FOCAD: variants seen among roughly 807,000 people sequenced by gnomAD.
FOCAD encodes the protein focadhesin, also known as KIAA1797.
Under a neutral mutation model 225.6 loss-of-function variants are expected in FOCAD, and 198 were observed. The ratio of observed to expected loss-of-function variants is 0.88; its 90% CI spans 0.78 to 0.99. The LOEUF is 0.99. Ranked by LOEUF, FOCAD falls within the 50% of genes least tolerant of loss-of-function variation. The pLI is 0.00. For missense variants in FOCAD, 2,713 were observed against 2,123.6 expected (o/e 1.28, Z -5.46); for synonymous variants, 897 against 755.0 (o/e 1.19, Z -3.08).
intron 8 of FOCAD, 68 bp from the exon 9 acceptor site, chr9:20,778,613 T>C: frequency 1.3e-6 from 1 of 784,144 alleles, no homozygotes; most frequent in Non-Finnish European, 2.2e-6. Flanking sequence ...TCTTCCTGGA[T>C]ACATGTTACA....
At chr9:20,723,214 G>A (rs1825920738) in intron 4 of FOCAD, among the ~76,000 whole-genome samples, 1 of 152,162 alleles carries the variant, frequency 6.6e-6, no homozygotes, top group Admixed American at 6.5e-5. Flanking sequence ...TGGGTGAGGT[G>A]CGGTGACTCA....
chr9:20,893,329 A>G (rs1831791682), intron 21 of FOCAD, among the ~76,000 whole-genome samples: 1 of 115,402 alleles, frequency 8.7e-6, no homozygotes, highest in African/African-American at 3.3e-5. Context: ...GACTCTCTTT[A>G]TTGGATTATT....
At chr9:20,699,611 G>A (rs1413161608) in intron 1 of FOCAD, among the ~76,000 whole-genome samples, 5 of 149,866 alleles carry the variant, frequency 3.3e-5, no homozygotes, top group Admixed American at 2.0e-4. Flanking sequence ...GGTGGCGGGC[G>A]CCTGTAGTCC....
chr9:20,857,929 C>T (rs562654096), intron 15 of FOCAD, among the ~76,000 whole-genome samples: 5 of 151,836 alleles, frequency 3.3e-5, no homozygotes, highest in African/African-American at 1.2e-4. Context: ...TCCTTGCATC[C>T]CTGGGATGAA....
chr9:20,981,028 A>C (rs1840648695), intron 37 of FOCAD, among the ~76,000 whole-genome samples: 1 of 152,194 alleles, frequency 6.6e-6, no homozygotes. Flanking sequence ...GTTGATTTTC[A>C]GCAGTTGAGC....
intron 15 of FOCAD, among the ~76,000 whole-genome samples, chr9:20,836,592 C>G (rs1176034950): frequency 6.6e-6 from 1 of 151,944 alleles, no homozygotes; most frequent in African/African-American, 2.4e-5. Context: ...CCATGCTGAG[C>G]TTTTTATATA....
chr9:20,883,124 A>T (rs1014440859), intron 20 of FOCAD, among the ~76,000 whole-genome samples: 1 of 152,232 alleles, frequency 6.6e-6, no homozygotes, highest in Non-Finnish European at 1.5e-5. Context: ...GTTCTTTCAT[A>T]TACTGCACTA....
chr9:20,979,554 G>A (rs541734221), intron 37 of FOCAD, among the ~76,000 whole-genome samples: 1 of 152,130 alleles, frequency 6.6e-6, no homozygotes, highest in South Asian at 2.1e-4. Flanking sequence ...GGCAAGGCTG[G>A]TTTCGAACTC....
chr9:20,754,657 T>G (rs368051780), intron 5 of FOCAD, among the ~76,000 whole-genome samples: 1 of 152,174 alleles, frequency 6.6e-6, no homozygotes, highest in Non-Finnish European at 1.5e-5. Context: ...AGGAGCAATT[T>G]TGTCCTCCAG....
At chr9:20,784,825 G>A (rs1819747440) in intron 10 of FOCAD, among the ~76,000 whole-genome samples, 1 of 152,118 alleles carries the variant, frequency 6.6e-6, no homozygotes, top group South Asian at 2.1e-4. Context: ...CCTACTTATG[G>A]CTAAAGTTAA....
chr9:20,671,041 G>A (rs1315581977), intron 2 of FOCAD, among the ~76,000 whole-genome samples: 1 of 152,088 alleles, frequency 6.6e-6, no homozygotes, highest in Non-Finnish European at 1.5e-5. Flanking sequence ...TCCTTAGAAA[G>A]ACATATTTTT....
At chr9:20,698,319 C>A (rs910596116) in intron 1 of FOCAD, among the ~76,000 whole-genome samples, 1 of 151,768 alleles carries the variant, frequency 6.6e-6, no homozygotes, top group African/African-American at 2.4e-5. Context: ...TTCTATATTT[C>A]TCTCTATATT....
Position 20,740,313 on chromosome 9 carries a change from A to G in FOCAD, c.365A>G (p.Lys122Arg), listed in dbSNP as rs371177017. 1 of 1,609,508 alleles carries G rather than the reference A, an allele frequency of 6.2e-7. No homozygotes were observed. Among genetic ancestry groups the G allele is most frequent in the Non-Finnish European group, 8.5e-7 (1 of 1,176,318 alleles). The change falls in exon 5 of 44, where the codon AAG (lysine) becomes AGG (arginine). Residue 122 changes from lysine (K) to arginine (R), a missense_variant. Lys to Arg is a conservative substitution (Grantham distance 26). Coordinates refer to ENST00000338382, the MANE Select transcript of FOCAD (RefSeq NM_001375567.1). ...CTTAAGGAAGGACAAGGTGGGGAAA[A>G]GAATATTCAGAGTATATATACCATT... ...QALKEGQGGE[K>R]NIQSIYTIRN... is the part of the protein sequence containing the mutation.
chr9:20,909,203 AC>A (rs1385026139), intron 22 of FOCAD, among the ~76,000 whole-genome samples: 6 of 152,094 alleles, frequency 3.9e-5, no homozygotes, highest in African/African-American at 1.4e-4. Context: ...TGTGTCCAGT[AC>A]TTAACATATA....
chr9:20,813,915 G>A (rs1823360878), intron 11 of FOCAD, among the ~76,000 whole-genome samples: 1 of 152,048 alleles, frequency 6.6e-6, no homozygotes, highest in African/African-American at 2.4e-5. Flanking sequence ...CTATGATGTT[G>A]GTTGCATATA....
intron 11 of FOCAD, among the ~76,000 whole-genome samples, chr9:20,816,401 A>C (rs1823731300): frequency 6.8e-6 from 1 of 147,294 alleles, no homozygotes; most frequent in Admixed American, 6.8e-5. Flanking sequence ...AAGTCAGTTC[A>C]AAAATTTGTC....
intron 25 of FOCAD, among the ~76,000 whole-genome samples, chr9:20,924,288 T>G (rs1834738651): frequency 6.6e-6 from 1 of 152,226 alleles, no homozygotes; most frequent in African/African-American, 2.4e-5. Context: ...ATGGATTTAT[T>G]CTTGTTTTAA....
chr9:20,918,965 G>C (rs551248256), intron 24 of FOCAD, among the ~76,000 whole-genome samples: 18 of 152,188 alleles, frequency 1.2e-4, no homozygotes, highest in Admixed American at 7.2e-4. Context: ...CCTTAGCTAC[G>C]GCTGCCACAG....
rs1175653072 is a variant in FOCAD at position 20,978,449 on chromosome 9, C to T, written c.4372C>T (p.Leu1458=). The T allele has an allele frequency of 6.2e-7, 1 of 1,603,210 alleles. No individual in the cohort carries two copies. The highest frequency in any genetic ancestry group is 2.3e-5 in the East Asian group (1 of 44,434). The part of the protein sequence containing the change: ...LWVTPPLIHS[L]SLNTKRYLLI... ...GGTGACACCACCACTGATCCACAGT[C>T]TGAGTGTATGTAGTAACTAAGGGTG... The change falls in exon 37 of 44, where the codon CTG becomes TTG. Residue 1458 remains leucine (L), a synonymous_variant. Transcript: ENST00000338382.
Sources: allele counts gnomAD v4.1 joint callset (sites outside exome capture counted in the v4.1 genomes callset), GRCh38; gene constraint gnomAD v4.1.1; transcripts MANE v1.5; gene names NCBI Gene and HGNC (gene_info 2026-07-23, HGNC 2026-07-21).